The following SYCP1 variants were observed in gnomAD, a reference collection of about 807,000 sequenced individuals.
The protein encoded by SYCP1 is synaptonemal complex protein 1.
Under a neutral mutation model 153.1 loss-of-function variants are expected in SYCP1, and 64 were observed. That is an observed-to-expected ratio of 0.42 (90% CI 0.34 to 0.51). The LOEUF (loss-of-function observed/expected upper bound fraction) is 0.51. Among genes scored for constraint, SYCP1 ranks in the 20% least tolerant of loss-of-function variants. The probability of loss-of-function intolerance (pLI) is 0.06; values close to 1 mark genes in which losing one functional copy is unlikely to be tolerated. For missense variants in SYCP1, 997 were observed against 1,049.0 expected (o/e 0.95, Z 0.68); for synonymous variants, 384 against 341.8 (o/e 1.12, Z -1.36).
chr1:114,953,858 A>G (rs999221339), intron 27 of SYCP1, among the ~76,000 whole-genome samples: 30 of 152,306 alleles, frequency 2.0e-4, no homozygotes, highest in African/African-American at 6.7e-4. Flanking sequence ...TATTAAACCT[A>G]TAGATCACAG....
chr1:114,922,590 A>G (rs773269526), intron 20 of SYCP1, among the ~76,000 whole-genome samples: 14 of 151,974 alleles, frequency 9.2e-5, no homozygotes, highest in Non-Finnish European at 1.9e-4. Context: ...GCCATGAGGG[A>G]TCCTCCCCCA....
intron 23 of SYCP1, among the ~76,000 whole-genome samples, chr1:114,927,170 T>C (rs1669312488): frequency 6.7e-6 from 1 of 149,856 alleles, no homozygotes; most frequent in African/African-American, 2.4e-5. Flanking sequence ...TTTAATAATA[T>C]TTGAAATTAA....
At chr1:114,859,364 G>C (rs570514110) in intron 6 of SYCP1, among the ~76,000 whole-genome samples, 1 of 152,324 alleles carries the variant, frequency 6.6e-6, no homozygotes, top group South Asian at 2.1e-4. Flanking sequence ...TGGGATTACA[G>C]GCGTGAGCCA....
intron 23 of SYCP1, among the ~76,000 whole-genome samples, chr1:114,930,754 A>G (rs1318779873): frequency 6.6e-6 from 1 of 151,952 alleles, no homozygotes; most frequent in Non-Finnish European, 1.5e-5. Flanking sequence ...TTGATACCAA[A>G]TCCTAACAAA....
intron 30 of SYCP1, among the ~76,000 whole-genome samples, chr1:114,985,199 G>T (rs1254659820): frequency 6.6e-6 from 1 of 151,932 alleles, no homozygotes; most frequent in Non-Finnish European, 1.5e-5. Flanking sequence ...GAGAGATGGA[G>T]TGAATATTTT....
At position 114,954,514 on chromosome 1, in the gene SYCP1, A is replaced by G. The variant is rs887546454; in HGVS notation, c.2322+7194A>G. ...TTAATAAATACAATAATAATTAATT[A>G]TATTTTATTTTATCCTTTCCAGTCA... On this transcript the variant is annotated intron_variant, in intron 27 of 31. Coordinates refer to ENST00000369522, the MANE Select transcript of SYCP1 (RefSeq NM_003176.4). Among the ~76,000 whole-genome samples, 5 of 150,658 alleles carry G rather than the reference A, an allele frequency of 3.3e-5. No homozygotes were observed. The South Asian group carries it at 6.3e-4, about 19-fold the overall frequency.
intron 23 of SYCP1, among the ~76,000 whole-genome samples, chr1:114,936,565 GGA>G (rs1670026499): frequency 6.6e-6 from 1 of 152,082 alleles, no homozygotes; most frequent in Non-Finnish European, 1.5e-5. Flanking sequence ...CAATCAGGCA[GGA>G]GAAAGAAATA....
At chr1:114,859,222 G>A (rs1664214715) in intron 6 of SYCP1, among the ~76,000 whole-genome samples, 1 of 152,208 alleles carries the variant, frequency 6.6e-6, no homozygotes, top group Middle Eastern at 3.4e-3. Flanking sequence ...CAAGTAGCTG[G>A]GACTGCAGGC....
At chr1:114,977,449 G>A (rs1672872822) in intron 27 of SYCP1, 108 bp from the exon 28 acceptor site, 1 of 653,600 alleles carries the variant, frequency 1.5e-6, no homozygotes. Flanking sequence ...AAGATTGAGA[G>A]GTTCGTCATC....
Position 114,860,793 on chromosome 1 carries a change from A to G in SYCP1, c.582A>G (p.Ala194=). 6.3e-7 allele frequency: 1 copy of G among 1,589,752 alleles called. No homozygotes were observed. Among genetic ancestry groups the G allele is most frequent in the Non-Finnish European group, 8.5e-7 (1 of 1,170,566 alleles). ...TCAAAGAAACCTGTGCTAGATCTGC[A>G]GAAAAGACAAAGAAATGTAAATATC... The part of the protein sequence containing the change: ...NLLKETCARS[A]EKTKKYEYER... Residue 194 remains alanine (A), a synonymous_variant, in exon 8 of 32, where the codon GCA becomes GCG. Transcript: ENST00000369522.
rs553207890 is a variant in SYCP1 at position 114,858,777 on chromosome 1, A to G, written c.456+66A>G. 3.7e-6 allele frequency: 5 copies of G among 1,349,720 alleles called. No homozygotes were observed. In the South Asian group the frequency reaches 4.3e-5, roughly 12 times the overall value. 83.6% of individuals were successfully genotyped at this position (1,349,720 alleles called of 1,614,324 possible). ...CTAATCATAATACTGTTGAAAGTAGAGTATTAGTTGGGATAAATTGGATTG... is the reference window on the plus strand; with the variant it reads ...CTAATCATAATACTGTTGAAAGTAGGGTATTAGTTGGGATAAATTGGATTG... On this transcript the variant is annotated intron_variant, in intron 6 of 31. Transcript: ENST00000369522.
At chr1:114,947,411 A>T in intron 27 of SYCP1, 91 bp downstream of exon 27, 1 of 836,190 alleles carries the variant, frequency 1.2e-6, no homozygotes, top group South Asian at 1.8e-5. Flanking sequence ...AAATAATTTG[A>T]TAAATTTTAA....
rs202097908 is a variant in SYCP1 at position 114,995,011 on chromosome 1, T to C, written c.2923T>C (p.Phe975Leu). The C allele has an allele frequency of 3.8e-6, 6 of 1,597,374 alleles. No homozygotes were observed. Among genetic ancestry groups the C allele is most frequent in the Non-Finnish European group, 5.1e-6 (6 of 1,173,446 alleles). ...AAAACTAAAAGAAGCTGAAAAGTTATTTGTTTAATTTCAGAGAATCAGTGT... is the reference window on the plus strand; with the variant it reads ...AAAACTAAAAGAAGCTGAAAAGTTACTTGTTTAATTTCAGAGAATCAGTGT... ...KKKLKEAEKL[F>L]V Residue 975 changes from phenylalanine to leucine, a missense_variant, in exon 32 of 32, where the codon TTT becomes CTT. Physicochemically the swap from Phe to Leu is conservative, Grantham distance 22. Transcript: ENST00000369522.
At chr1:114,941,991 T>C (rs1437840344) in intron 23 of SYCP1, among the ~76,000 whole-genome samples, 3 of 152,092 alleles carry the variant, frequency 2.0e-5, no homozygotes, top group Admixed American at 6.6e-5. Flanking sequence ...GGAAAAGGAA[T>C]ACTCAACCTC....
At position 114,858,665 on chromosome 1, in the gene SYCP1, A is replaced by G. The variant is rs757515019; in HGVS notation, c.410A>G (p.Asn137Ser). ...CAGAAAGAAAGTAAGTTGCAAGAAA[A>G]CAGAAAGATAATTGAAGCACAGCGA... is the stretch of plus-strand genomic sequence containing the variant. ...LRQKESKLQE[N>S]RKIIEAQRKA... Residue 137 changes from asparagine (N) to serine (S), a missense_variant, in exon 6 of 32, where the codon AAC (asparagine) becomes AGC (serine). Asn to Ser is a conservative substitution (Grantham distance 46). Around this residue, in one of 2 missense-constraint regions of SYCP1, gnomAD observed 285 missense variants for 366.1 expected, o/e 0.78. Coordinates refer to ENST00000369522, the MANE Select transcript of SYCP1 (RefSeq NM_003176.4). 8 of 1,612,228 alleles carry G rather than the reference A, an allele frequency of 5.0e-6. No homozygotes were observed. In the Admixed American group the frequency reaches 1.0e-4, roughly 20 times the overall value.
intron 15 of SYCP1, among the ~76,000 whole-genome samples, chr1:114,891,209 C>G (rs1332729030): frequency 1.3e-5 from 2 of 152,148 alleles, no homozygotes; most frequent in Non-Finnish European, 2.9e-5. Flanking sequence ...CCTCAGCAGT[C>G]TCAATCCTCA....
intron 23 of SYCP1, among the ~76,000 whole-genome samples, chr1:114,933,125 C>T (rs1461484705): frequency 2.0e-5 from 3 of 152,186 alleles, no homozygotes; most frequent in East Asian, 1.9e-4. Context: ...CCCTGAGTAG[C>T]CTAACTGGGA....
At chr1:114,991,041 G>A (rs993331983) in intron 30 of SYCP1, among the ~76,000 whole-genome samples, 5 of 151,782 alleles carry the variant, frequency 3.3e-5, no homozygotes, top group African/African-American at 4.8e-5. Flanking sequence ...ATCACCTCAC[G>A]GCTTTTTGAG....
At position 114,856,921 on chromosome 1, in the gene SYCP1, C is replaced by CAAA. The variant is rs758650224; in HGVS notation, c.193+286_194-287dup. Among the ~76,000 whole-genome samples the CAAA allele has an allele frequency of 4.6e-3, 171 of 37,224 alleles. 7 individuals are homozygous for CAAA. Among genetic ancestry groups the CAAA allele is most frequent in the Admixed American group, 5.5e-3 (13 of 2,362 alleles). The allele number at this position is 37,224 out of a possible 152,430, so 24.4% of individuals were successfully genotyped here. On this transcript the variant is annotated intron_variant, in intron 3 of 31. Coordinates refer to ENST00000369522, the MANE Select transcript of SYCP1 (RefSeq NM_003176.4). ...GCAACATAAGGAGACCCTGTCTGTA[C>CAAA]AAAAAAAAAAAAAAAAAAAAAAAAC...
Sources: gnomAD v4.1 joint callset for allele counts (sites outside exome capture counted in the v4.1 genomes callset) on GRCh38, gnomAD v4.1.1 for gene constraint, gnomAD v4.1.1 regional missense constraint, MANE v1.5 for transcripts, NCBI Gene and HGNC (gene_info 2026-07-23, HGNC 2026-07-21) for gene names.